MTF1: variants seen among roughly 807,000 people sequenced by gnomAD.
MTF1 encodes metal regulatory transcription factor 1, also known as MRE-binding transcription factor.
A neutral mutation model predicts 70.4 loss-of-function variants in MTF1; 22 were observed. The ratio of observed to expected loss-of-function variants is 0.31; its 90% CI spans 0.22 to 0.45. The LOEUF is 0.45. Ranked by LOEUF, MTF1 falls within the 20% of genes least tolerant of loss-of-function variation. The pLI, the probability that MTF1 is intolerant of heterozygous loss-of-function variation, is 1.00. For synonymous variants in MTF1, 333 were observed against 352.8 expected (o/e 0.94, Z 0.63); for missense variants, 649 against 922.0 (o/e 0.70, Z 3.83).
chr1:37,818,180 G>A (rs1332182120), intron 9 of MTF1, among the ~76,000 whole-genome samples: 2 of 152,236 alleles, frequency 1.3e-5, no homozygotes, highest in Non-Finnish European at 2.9e-5. Flanking sequence ...TCCCCAGTGT[G>A]GCAGTATTGA....
intron 7 of MTF1, among the ~76,000 whole-genome samples, chr1:37,827,336 GTTAT>G (rs1641017477): frequency 6.9e-6 from 1 of 144,080 alleles, no homozygotes; most frequent in Non-Finnish European, 1.5e-5. Context: ...CCTCATAGTT[GTTAT>G]TATTATTATT....
chr1:37,836,852 T>C (rs1325613415), intron 4 of MTF1, among the ~76,000 whole-genome samples: 1 of 151,614 alleles, frequency 6.6e-6, no homozygotes, highest in Admixed American at 6.6e-5. Context: ...TCTCATTGAA[T>C]ATTCAAGAAA....
intron 6 of MTF1, among the ~76,000 whole-genome samples, chr1:37,832,812 C>T (rs774987020): frequency 6.6e-6 from 1 of 152,040 alleles, no homozygotes; most frequent in Non-Finnish European, 1.5e-5. Flanking sequence ...CGAGACCAGC[C>T]TGGCCAACAT....
At chr1:37,847,625 G>A (rs1237463980) in intron 2 of MTF1, among the ~76,000 whole-genome samples, 1 of 152,196 alleles carries the variant, frequency 6.6e-6, no homozygotes, top group Admixed American at 6.5e-5. Flanking sequence ...CCAAGTATAA[G>A]AGAGAGGAGT....
intron 2 of MTF1, among the ~76,000 whole-genome samples, chr1:37,845,913 G>A (rs944623483): frequency 2.0e-5 from 3 of 152,162 alleles, no homozygotes; most frequent in African/African-American, 7.2e-5. Flanking sequence ...CTCATTTGGA[G>A]GGAGAAGAAG....
chr1:37,839,200 T>C (rs571198202), intron 3 of MTF1, among the ~76,000 whole-genome samples: 3 of 152,238 alleles, frequency 2.0e-5, no homozygotes, highest in Non-Finnish European at 2.9e-5. Context: ...CATATTAGTA[T>C]CCAACATATT....
rs1490362200 is a variant in MTF1 at position 37,835,858 on chromosome 1, T to C, written c.780-114A>G. ...CTCTGTCCCCAAGGCTGGAGTGCAG[T>C]GGCGCAATCTTGGCTCACTGCAAGC... On this transcript the variant is annotated intron_variant, in intron 4 of 10. Transcript: ENST00000373036. 4.8e-6 allele frequency: 4 copies of C among 830,056 alleles called. No individual in the cohort carries two copies. The African/African-American group carries it at 5.2e-5, about 11-fold the overall frequency. 51.4% of individuals were successfully genotyped at this position (830,056 alleles called of 1,614,324 possible).
At chr1:37,854,996 T>C (rs766931798) in intron 2 of MTF1, among the ~76,000 whole-genome samples, 1 of 151,922 alleles carries the variant, frequency 6.6e-6, no homozygotes, top group Non-Finnish European at 1.5e-5. Context: ...GAGGCGGAGG[T>C]TGCAGTGAGC....
chr1:37,827,613 C>T (rs549482236), intron 7 of MTF1, among the ~76,000 whole-genome samples: 16 of 151,930 alleles, frequency 1.1e-4, no homozygotes, highest in African/African-American at 3.1e-4. Flanking sequence ...CCACCCGCCT[C>T]GGCCTCCCAA....
intron 4 of MTF1, among the ~76,000 whole-genome samples, chr1:37,837,958 T>TA (rs1641196324): frequency 6.6e-6 from 1 of 152,248 alleles, no homozygotes; most frequent in Non-Finnish European, 1.5e-5. Flanking sequence ...AATCATGCTA[T>TA]ATACTATGAG....
chr1:37,823,723 A>T lies in MTF1; in HGVS notation c.1158T>A (p.Asp386Glu), dbSNP rs1222538222. ...CGTGTGACAAACCTGTCTGTTGAGG[A>T]TCTTCCTGAATTGCCGTATCATCTG... Reference protein sequence around the residue: ...QNSDDTAIQEDPQQTASLTES... With the variant: ...QNSDDTAIQEEPQQTASLTES... Residue 386 changes from aspartate to glutamate, a missense_variant, in exon 8 of 11, where the codon GAT becomes GAA. Physicochemically the swap from Asp to Glu is conservative, Grantham distance 45 (BLOSUM62 2). This residue lies in a region of MTF1 where 267 missense variants were observed against 292.1 expected (regional missense o/e 0.91). Transcript: ENST00000373036. 1 of 1,613,554 alleles carries T rather than the reference A, an allele frequency of 6.2e-7. No individual in the cohort carries two copies. The highest frequency in any genetic ancestry group is 1.7e-5 in the Admixed American group (1 of 60,020).
At chr1:37,854,838 T>A (rs942657401) in intron 2 of MTF1, among the ~76,000 whole-genome samples, 1 of 152,198 alleles carries the variant, frequency 6.6e-6, no homozygotes, top group African/African-American at 2.4e-5. Flanking sequence ...GGCAGGCATA[T>A]CCCCTGAGGT....
chr1:37,819,346 G>A (rs1345195837), intron 9 of MTF1, among the ~76,000 whole-genome samples: 1 of 152,158 alleles, frequency 6.6e-6, no homozygotes, highest in African/African-American at 2.4e-5. Flanking sequence ...TTTAAGACCG[G>A]GCGCGGTGGC....
chr1:37,840,727 T>C lies in MTF1; in HGVS notation c.409-569A>G, dbSNP rs530045162. ...CTCAAACTGCCAGCCTCTTGTTTCC[T>C]TTCACCATCAAACTTCTTGAAAGGG... On this transcript the variant is annotated intron_variant, in intron 2 of 10. Transcript: ENST00000373036. This position sits in a 1 kb window ranked among gnomAD's most constrained non-coding sequence, Gnocchi z 4.5. Among the ~76,000 whole-genome samples the C allele has an allele frequency of 2.7e-4, 41 of 152,304 alleles. No homozygotes were observed. The South Asian group carries it at 6.4e-3, about 24-fold the overall frequency.
intron 9 of MTF1, among the ~76,000 whole-genome samples, chr1:37,821,865 C>A (rs572740518): frequency 1.6e-4 from 25 of 152,072 alleles, no homozygotes; most frequent in Non-Finnish European, 3.1e-4. Context: ...TGATTAGATT[C>A]CAGTATCAGT....
chr1:37,851,145 A>G (rs1467139543), intron 2 of MTF1, among the ~76,000 whole-genome samples: 1 of 152,220 alleles, frequency 6.6e-6, no homozygotes, highest in Non-Finnish European at 1.5e-5. Flanking sequence ...ATGTCTGGTC[A>G]TTAAGCAAGA....
intron 5 of MTF1, 57 bp downstream of exon 5, chr1:37,835,614 C>T: frequency 1.5e-6 from 2 of 1,314,902 alleles, no homozygotes; most frequent in Non-Finnish European, 2.2e-6. Context: ...CTCTACAGGT[C>T]TCAATGGAAA....
chr1:37,837,698 G>A (rs945727268), intron 4 of MTF1, among the ~76,000 whole-genome samples: 1 of 151,942 alleles, frequency 6.6e-6, no homozygotes, highest in African/African-American at 2.4e-5. Flanking sequence ...TAGAGATGTG[G>A]TCTCACCATG....
chr1:37,850,677 C>T (rs1395709827), intron 2 of MTF1, among the ~76,000 whole-genome samples: 3 of 151,998 alleles, frequency 2.0e-5, no homozygotes, highest in Admixed American at 6.6e-5. Flanking sequence ...GAATGACCAG[C>T]GGCCTTGTGG....
Sources: gnomAD v4.1 joint callset for allele counts (sites outside exome capture counted in the v4.1 genomes callset) on GRCh38, gnomAD v4.1.1 for gene constraint, gnomAD v4.1.1 regional missense constraint, Gnocchi (gnomAD v3.1) non-coding constraint, MANE v1.5 for transcripts, NCBI Gene and HGNC (gene_info 2026-07-23, HGNC 2026-07-21) for gene names.